The following PATJ variants were observed in gnomAD, a reference collection of about 807,000 sequenced individuals.
PATJ encodes PATJ crumbs cell polarity complex component.
PATJ carries 190 observed loss-of-function variants against 224.9 expected under a neutral mutation model. That is an observed-to-expected ratio of 0.84 (90% confidence interval 0.75 to 0.95). PATJ has a LOEUF of 0.95. Among genes scored for constraint, PATJ ranks in the 40% least tolerant of loss-of-function variants. PATJ has a pLI of 0.00. For missense variants in PATJ, 2,121 were observed against 2,270.3 expected (o/e 0.93, Z 1.34); for synonymous variants, 769 against 820.3 (o/e 0.94, Z 1.07).
At chr1:61,788,831 C>T (rs1279910744) in intron 8 of PATJ, among the ~76,000 whole-genome samples, 5 of 152,058 alleles carry the variant, frequency 3.3e-5, no homozygotes, top group African/African-American at 4.8e-5. Context: ...TGCACCACCA[C>T]GCCTGGCTAA....
At chr1:61,986,114 C>G (rs1644742806) in intron 27 of PATJ, among the ~76,000 whole-genome samples, 1 of 151,894 alleles carries the variant, frequency 6.6e-6, no homozygotes, top group Non-Finnish European at 1.5e-5. Context: ...TTAATTGTGA[C>G]CCTAACCCTT....
chr1:61,887,770 C>T (rs192529557), intron 22 of PATJ, among the ~76,000 whole-genome samples: 141 of 152,186 alleles, frequency 9.3e-4, no homozygotes, highest in African/African-American at 3.3e-3. Context: ...AAGGAAAACC[C>T]AGAAAGGTGT....
intron 29 of PATJ, among the ~76,000 whole-genome samples, chr1:62,019,305 C>T (rs921885420): frequency 1.3e-5 from 2 of 150,010 alleles, no homozygotes; most frequent in East Asian, 2.0e-4. Context: ...AGGCAGATCA[C>T]GAGGTCAGGA....
intron 7 of PATJ, among the ~76,000 whole-genome samples, chr1:61,779,718 C>T (rs532730609): frequency 6.6e-6 from 1 of 152,302 alleles, no homozygotes; most frequent in African/African-American, 2.4e-5. Flanking sequence ...TAAAGGAGTT[C>T]TGTCTTTATC....
intron 1 of PATJ, among the ~76,000 whole-genome samples, chr1:61,759,134 A>G (rs1645813099): frequency 6.6e-6 from 1 of 152,160 alleles, no homozygotes; most frequent in Non-Finnish European, 1.5e-5. Flanking sequence ...AGCTTGTCCA[A>G]CCCAGGACGG....
At chr1:61,858,344 C>A (rs1664026544) in intron 18 of PATJ, among the ~76,000 whole-genome samples, 1 of 152,142 alleles carries the variant, frequency 6.6e-6, no homozygotes, top group African/African-American at 2.4e-5. Context: ...CTCACTGCAA[C>A]CTCCATCTCC....
chr1:62,041,330 T>C (rs75374808), intron 30 of PATJ, among the ~76,000 whole-genome samples: 29,227 of 152,212 alleles, frequency 0.19, 3,235 homozygotes, highest in Non-Finnish European at 0.26. Context: ...TTCTTCCTAA[T>C]TGCCTTCAGC....
chr1:62,041,949 C>T (rs911359856), intron 30 of PATJ, among the ~76,000 whole-genome samples: 7 of 151,720 alleles, frequency 4.6e-5, no homozygotes, highest in Middle Eastern at 6.8e-3. Context: ...ATCGTGCCAC[C>T]GCACTCCAGC....
chr1:62,085,737 T>G (rs904550946), intron 33 of PATJ, among the ~76,000 whole-genome samples: 2 of 151,246 alleles, frequency 1.3e-5, no homozygotes, highest in Non-Finnish European at 2.9e-5. Context: ...GAGGATCACT[T>G]GAGCCCAGGT....
At chr1:61,894,265 A>C (rs111606831) in intron 22 of PATJ, among the ~76,000 whole-genome samples, 4 of 131,364 alleles carry the variant, frequency 3.0e-5, no homozygotes, top group Non-Finnish European at 6.8e-5. Flanking sequence ...ATAAAAAAAA[A>C]AAAACACAAA....
Position 61,771,526 on chromosome 1 carries a change from A to C in PATJ, c.620A>C (p.Gln207Pro), listed in dbSNP as rs1646608575. ...ISHQQAIALL[Q>P]QTTGSLRLIV... Reference sequence around the variant, plus strand: ...CATCAGCAAGCAATTGCATTATTACAACAAACCACTGGATCTTTGAGACTG... The same window carrying C: ...CATCAGCAAGCAATTGCATTATTACCACAAACCACTGGATCTTTGAGACTG... Residue 207 changes from glutamine to proline, a missense_variant, in exon 6 of 44, where the codon CAA becomes CCA. Transcript: ENST00000642238. 6.2e-7 allele frequency: 1 copy of C among 1,613,326 alleles called. No individual in the cohort carries two copies. The highest frequency in any genetic ancestry group is 1.3e-5 in the African/African-American group (1 of 74,874).
At chr1:61,880,664 A>G (rs948118576) in intron 21 of PATJ, among the ~76,000 whole-genome samples, 2 of 152,240 alleles carry the variant, frequency 1.3e-5, no homozygotes, top group African/African-American at 4.8e-5. Flanking sequence ...CTATGTTATT[A>G]TTACTCAACC....
chr1:61,795,376 C>A, intron 9 of PATJ, 91 bp from the exon 10 acceptor site: 1 of 643,304 alleles, frequency 1.6e-6, no homozygotes, highest in Admixed American at 2.7e-5. Context: ...TCCAGTCAAC[C>A]CCGTTAGCTA....
chr1:61,762,793 T>A (rs1472327486), intron 1 of PATJ, 65 bp from the exon 2 acceptor site: 1 of 686,576 alleles, frequency 1.5e-6, no homozygotes, highest in Non-Finnish European at 2.4e-6. Flanking sequence ...TCCTTAATTT[T>A]TCTACAGGAT....
At chr1:61,780,669 T>C (rs1370503982) in intron 7 of PATJ, among the ~76,000 whole-genome samples, 1 of 151,184 alleles carries the variant, frequency 6.6e-6, no homozygotes, top group African/African-American at 2.4e-5. Context: ...TTTTTTTTTT[T>C]CCAAAATGCA....
chr1:61,990,345 T>C lies in PATJ; in HGVS notation c.3848T>C (p.Ile1283Thr). The C allele has an allele frequency of 6.8e-6, 11 of 1,612,834 alleles. No homozygotes were observed. The highest frequency in any genetic ancestry group is 8.5e-6 in the Non-Finnish European group (10 of 1,179,572). ...GCTGCCGCAGATGGACGAATGCGTA[T>C]TGGAGATGAACTCTTAGAGGTGAGA... ...GPAAADGRMR[I>T]GDELLEINNQ... The change falls in exon 28 of 44, where the codon ATT (isoleucine) becomes ACT (threonine). Residue 1283 changes from isoleucine (I) to threonine (T), a missense_variant. By Grantham distance (89) the Ile-to-Thr change is moderately conservative. Transcript: ENST00000642238.
chr1:62,113,916 G>A, intron 34 of PATJ, 137 bp from the exon 35 acceptor site: 1 of 757,158 alleles, frequency 1.3e-6, no homozygotes, highest in Non-Finnish European at 2.2e-6. Context: ...TACTGCTTGT[G>A]GTCACTACCT....
intron 1 of PATJ, among the ~76,000 whole-genome samples, chr1:61,754,518 A>ATTTTTTTTTTTTTTTTTTTT: frequency 9.2e-6 from 1 of 108,416 alleles, no homozygotes. Flanking sequence ...AATTTTTTGC[A>ATTTTTTTTTTTTTTTTTTTT]TGTTTTTTTT....
chr1:61,823,739 T>TA (rs1415997808), intron 15 of PATJ, among the ~76,000 whole-genome samples: 2 of 150,900 alleles, frequency 1.3e-5, no homozygotes, highest in Non-Finnish European at 3.0e-5. Context: ...ATTTTAGAGA[T>TA]TTTTTTTTTC....
Sources: gnomAD v4.1 joint callset for allele counts (sites outside exome capture counted in the v4.1 genomes callset) on GRCh38, gnomAD v4.1.1 for gene constraint, MANE v1.5 for transcripts, NCBI Gene and HGNC (gene_info 2026-07-23, HGNC 2026-07-21) for gene names.